Variants in KCNN1 observed in about 807,000 individuals in gnomAD.
KCNN1 encodes the protein small conductance calcium-activated potassium channel protein 1.
In KCNN1, 20 loss-of-function variants were observed where a neutral mutation model predicts 44.7. That is an observed-to-expected ratio of 0.45 (90% CI 0.32 to 0.65). The LOEUF (loss-of-function observed/expected upper bound fraction) is 0.65, where lower values mean the gene tolerates loss of function less well. Ranked by LOEUF, KCNN1 falls within the 30% of genes least tolerant of loss-of-function variation. The probability of loss-of-function intolerance (pLI) is 0.05; values close to 1 mark genes in which losing one functional copy is unlikely to be tolerated. For synonymous variants in KCNN1, 324 were observed against 341.7 expected, an observed-to-expected ratio of 0.95 and a Z score of 0.57; for missense variants, 632 against 785.3, an observed-to-expected ratio of 0.80 and a Z score of 2.33.
chr19:17,996,952 G>A (rs1333700339), intron 9 of KCNN1, among the ~76,000 whole-genome samples: 1 of 152,204 alleles, frequency 6.6e-6, no homozygotes, highest in African/African-American at 2.4e-5. Context: ...CACGGAGGCC[G>A]CCGCGGGGTG....
intron 2 of KCNN1, among the ~76,000 whole-genome samples, chr19:17,960,025 G>A (rs1475560471): frequency 1.3e-5 from 2 of 151,908 alleles, no homozygotes; most frequent in Non-Finnish European, 2.9e-5. Context: ...GGAGGTTGCA[G>A]TAAGCGGAGA....
intron 2 of KCNN1, among the ~76,000 whole-genome samples, chr19:17,955,708 G>A (rs962619496): frequency 6.6e-5 from 10 of 151,782 alleles, no homozygotes; most frequent in Admixed American, 5.3e-4. Flanking sequence ...CTGGAGTTGG[G>A]GAAACTATTC....
At chr19:17,977,881 A>C (rs1435431264) in intron 3 of KCNN1, among the ~76,000 whole-genome samples, 1 of 152,068 alleles carries the variant, frequency 6.6e-6, no homozygotes, top group African/African-American at 2.4e-5. Context: ...CCCAGACATA[A>C]AAGGCCACAA....
intron 9 of KCNN1, among the ~76,000 whole-genome samples, chr19:17,995,146 C>T (rs1242627340): frequency 6.6e-6 from 1 of 151,556 alleles, no homozygotes. Flanking sequence ...TATTAACCTA[C>T]AAGAAATTTA....
At chr19:17,957,685 G>A (rs555473763) in intron 2 of KCNN1, among the ~76,000 whole-genome samples, 65 of 152,246 alleles carry the variant, frequency 4.3e-4, no homozygotes, top group Non-Finnish European at 7.8e-4. Context: ...AGGCAAGATC[G>A]GCAGGTAGGA....
rs769726439 is a variant in KCNN1, at chr19:17,993,607, G to A, written c.1377+48G>A. 1.8e-5 allele frequency: 26 copies of A among 1,432,376 alleles called. No homozygotes were observed. Among genetic ancestry groups the A allele is most frequent in the South Asian group, 8.1e-5 (7 of 86,146 alleles). The allele number at this position is 1,432,376 out of a possible 1,614,324, so 88.7% of individuals were successfully genotyped here. On this transcript the variant is annotated intron_variant, in intron 9 of 9. Transcript: ENST00000684775. The surrounding 1 kb of genome is among the most constrained non-coding windows in gnomAD (Gnocchi z 4.5). Reference sequence around the variant, plus strand: ...GGCCAGACAGGGCAGGTGGGGCCCCGGAGCAGATGGGATGGGGCTCAGCTC... The same window carrying A: ...GGCCAGACAGGGCAGGTGGGGCCCCAGAGCAGATGGGATGGGGCTCAGCTC...
chr19:17,989,775 G>A lies in KCNN1; in HGVS notation c.1230G>A (p.Arg410=), dbSNP rs62119832. ...CGTGGCTCATCTACAAACATACCAG[G>A]CTGGTGAAGAAGCCAGACCAAGCCC... ...RETWLIYKHT[R]LVKKPDQARV... Residue 410 remains arginine (R), a synonymous_variant, in exon 7 of 10, where the codon AGG becomes AGA. Coordinates refer to ENST00000684775, the MANE Select transcript of KCNN1 (RefSeq NM_001386974.1). 1.9e-6 allele frequency: 3 copies of A among 1,613,794 alleles called. No homozygotes were observed. Among genetic ancestry groups the A allele is most frequent in the East Asian group, 2.2e-5 (1 of 44,890 alleles).
In KCNN1 at chr19:17,974,168, G is replaced by C; in HGVS notation, c.280G>C (p.Gly94Arg). 2.5e-6 allele frequency: 4 copies of C among 1,613,650 alleles called. No homozygotes were observed. The highest frequency in any genetic ancestry group is 3.4e-6 in the Non-Finnish European group (4 of 1,179,888). Reference protein sequence around the residue: ...GKPSNVGHRLGHRRALFEKRK... With the variant: ...GKPSNVGHRLRHRRALFEKRK... ...ACCCTCAAATGTGGGCCACCGCCTGGGCCACCGGCGGGCGCTCTTCGAGAA... is the reference window on the plus strand; with the variant it reads ...ACCCTCAAATGTGGGCCACCGCCTGCGCCACCGGCGGGCGCTCTTCGAGAA... Residue 94 changes from glycine to arginine, a missense_variant, in exon 2 of 10, where the codon GGC becomes CGC. Physicochemically the swap from Gly to Arg is moderately radical, Grantham distance 125 (BLOSUM62 -2). Coordinates refer to ENST00000684775, the MANE Select transcript of KCNN1 (RefSeq NM_001386974.1). This position sits in a 1 kb window ranked among gnomAD's most constrained non-coding sequence, Gnocchi z 7.3.
chr19:17,975,218 C>T, intron 3 of KCNN1, 31 bp downstream of exon 3: 1 of 1,542,916 alleles, frequency 6.5e-7, no homozygotes, highest in Non-Finnish European at 9.0e-7. Context: ...GAAGCAGCTC[C>T]TCTCCTCAAA....
chr19:18,000,008 C>G lies in KCNN1; in HGVS notation c.*1602C>G. On this transcript the variant is annotated 3_prime_UTR_variant, in exon 10 of 10. Coordinates refer to ENST00000684775, the MANE Select transcript of KCNN1 (RefSeq NM_001386974.1). Reference sequence around the variant, plus strand: ...TAAAATGGGGTGACAGTCTATTTAACCAGAACTCCCTAAAAAGGGCCAGGC... The same window carrying G: ...TAAAATGGGGTGACAGTCTATTTAAGCAGAACTCCCTAAAAAGGGCCAGGC... 2.2e-6 allele frequency: 1 copy of G among 455,956 alleles called. No homozygotes were observed. Among genetic ancestry groups the G allele is most frequent in the South Asian group, 1.5e-5 (1 of 64,544 alleles). The allele number at this position is 455,956 out of a possible 1,614,324, so 28.2% of individuals were successfully genotyped here.
intron 1 of KCNN1, among the ~76,000 whole-genome samples, chr19:17,972,313 C>T (rs1350342861): frequency 6.6e-6 from 1 of 152,126 alleles, no homozygotes. Flanking sequence ...GACAGCCTCT[C>T]AATGCCTTGG....
At chr19:17,982,938 C>T (rs1046979880) in intron 4 of KCNN1, among the ~76,000 whole-genome samples, 2 of 151,908 alleles carry the variant, frequency 1.3e-5, no homozygotes, top group African/African-American at 4.8e-5. Context: ...TACTCGGGAG[C>T]CTGAGGCAGG....
At position 17,981,759 on chromosome 19, in the gene KCNN1, C is replaced by T. The variant is rs772127918; in HGVS notation, c.549C>T (p.Cys183=). ...GADDWRIAMT[C]ERVFLISLEL... ...ATGACTGGCGCATCGCCATGACCTGCGAGCGCGTGTTCCTCATCTCGCTAG... is the reference window on the plus strand; with the variant it reads ...ATGACTGGCGCATCGCCATGACCTGTGAGCGCGTGTTCCTCATCTCGCTAG... The change falls in exon 4 of 10, where the codon TGC becomes TGT. Residue 183 remains cysteine (C), a synonymous_variant. Coordinates refer to ENST00000684775, the MANE Select transcript of KCNN1 (RefSeq NM_001386974.1). The T allele has an allele frequency of 4.4e-6, 7 of 1,608,446 alleles. No individual in the cohort carries two copies. Among genetic ancestry groups the T allele is most frequent in the East Asian group, 2.2e-5 (1 of 44,704 alleles).
At chr19:17,981,605 G>T (rs2032409499) in intron 3 of KCNN1, 104 bp from the exon 4 acceptor site, 1 of 946,236 alleles carries the variant, frequency 1.1e-6, no homozygotes, top group Admixed American at 3.1e-5. Flanking sequence ...AGCCTGTGGG[G>T]TTTCAGGCCA....
chr19:17,967,138 G>A lies in KCNN1; in HGVS notation c.-261G>A, dbSNP rs1000348671. ...TCGCCCCCCGCCGGGCCCGTGGACT[G>A]GGCGGCGGGGGATGCGCCTGCCGCC... is the stretch of plus-strand genomic sequence containing the variant. On this transcript the variant is annotated 5_prime_UTR_variant, in exon 1 of 10. Coordinates refer to ENST00000684775, the MANE Select transcript of KCNN1 (RefSeq NM_001386974.1). 25 of 973,720 alleles carry A rather than the reference G, an allele frequency of 2.6e-5. No individual in the cohort carries two copies. Among genetic ancestry groups the A allele is most frequent in the Non-Finnish European group, 3.0e-5 (25 of 821,898 alleles). The allele number at this position is 973,720 out of a possible 1,614,324, so 60.3% of individuals were successfully genotyped here. A position where few individuals can be genotyped will look rare whatever the true frequency, so the allele number is the denominator to read the frequency against.
chr19:17,984,156 T>C (rs1312764907), intron 4 of KCNN1, among the ~76,000 whole-genome samples: 2 of 147,892 alleles, frequency 1.4e-5, no homozygotes, highest in Non-Finnish European at 3.0e-5. Context: ...GAGAGAGATA[T>C]TGTCTCAAAA....
intron 2 of KCNN1, among the ~76,000 whole-genome samples, chr19:17,960,634 A>AAAAAG (rs56694978): frequency 0.02 from 2,999 of 151,840 alleles, 99 homozygotes; most frequent in African/African-American, 0.068. Flanking sequence ...CTGTCTCAAA[A>AAAAAG]AAAAGAAAAG....
At chr19:17,982,148 GC>G (rs779352580) in intron 4 of KCNN1, 21 bp downstream of exon 4, 6 of 1,473,640 alleles carry the variant, frequency 4.1e-6, no homozygotes, top group South Asian at 2.7e-5. Context: ...CGCCCCTGGA[GC>G]CCCCCCAGCC....
chr19:17,977,018 A>G (rs2032230470), intron 3 of KCNN1, among the ~76,000 whole-genome samples: 1 of 151,830 alleles, frequency 6.6e-6, no homozygotes, highest in Non-Finnish European at 1.5e-5. Context: ...TGCCTGGCCT[A>G]TTCAACCTTA....
Sources: allele counts gnomAD v4.1 joint callset (sites outside exome capture counted in the v4.1 genomes callset), GRCh38; gene constraint gnomAD v4.1.1; non-coding constraint Gnocchi (gnomAD v3.1); transcripts MANE v1.5; gene names NCBI Gene and HGNC (gene_info 2026-07-23, HGNC 2026-07-21).